Variants in TAFA2 observed in about 807,000 individuals in gnomAD.
TAFA2 encodes TAFA chemokine like family member 2.
In TAFA2, 7 loss-of-function variants were observed where a neutral mutation model predicts 18.8. That is an observed-to-expected ratio of 0.37 (90% CI 0.21 to 0.70). The LOEUF is 0.70. TAFA2 is among the 30% of genes least tolerant of loss of function. TAFA2 has a pLI of 0.53. For synonymous variants in TAFA2, 60 were observed against 54.2 expected (o/e 1.11, Z -0.47); for missense variants, 122 against 158.1 (o/e 0.77, Z 1.23).
At chr12:62,010,065 A>G (rs1301146865) in intron 1 of TAFA2, among the ~76,000 whole-genome samples, 1 of 152,172 alleles carries the variant, frequency 6.6e-6, no homozygotes, top group African/African-American at 2.4e-5. Flanking sequence ...TAGCTTTTAC[A>G]TTTTTGTACT....
intron 1 of TAFA2, among the ~76,000 whole-genome samples, chr12:62,063,509 G>A (rs2136791458): frequency 6.6e-6 from 1 of 152,160 alleles, no homozygotes; most frequent in South Asian, 2.1e-4. Flanking sequence ...ACTTTCTATT[G>A]CAATGGAATC....
intron 4 of TAFA2, among the ~76,000 whole-genome samples, chr12:61,746,548 C>A (rs964082020): frequency 1.3e-5 from 2 of 152,086 alleles, no homozygotes; most frequent in East Asian, 3.9e-4. Context: ...AAAGGTGAAA[C>A]ATATCCCTTA....
rs897552112 is a variant in TAFA2, at chr12:61,710,859, G to A, written c.385-442C>T. On this transcript the variant is annotated intron_variant, in intron 4 of 4. Coordinates refer to ENST00000416284, the MANE Select transcript of TAFA2 (RefSeq NM_178539.5). ...ATTCTCAAAAAGCCCTTGGGGATTG[G>A]TTCCATAAAGTTCATTTTTGAAATA... Among the ~76,000 whole-genome samples the A allele has an allele frequency of 3.9e-5, 6 of 152,144 alleles. 1 individual carries two copies. Among genetic ancestry groups the A allele is most frequent in the African/African-American group, 1.2e-4 (5 of 41,542 alleles).
chr12:61,736,073 G>T (rs1276937465), intron 4 of TAFA2, among the ~76,000 whole-genome samples: 7 of 151,924 alleles, frequency 4.6e-5, no homozygotes, highest in African/African-American at 1.7e-4. Flanking sequence ...AAATAAGAGA[G>T]ATTTACCAGG....
chr12:61,886,512 TGC>T (rs1875388167), intron 1 of TAFA2, among the ~76,000 whole-genome samples: 2 of 152,168 alleles, frequency 1.3e-5, no homozygotes, highest in African/African-American at 4.8e-5. Flanking sequence ...TGGGCTGTAT[TGC>T]TTTTGCCTTA....
intron 1 of TAFA2, among the ~76,000 whole-genome samples, chr12:62,199,906 C>T (rs1345552029): frequency 6.6e-6 from 1 of 152,134 alleles, no homozygotes; most frequent in African/African-American, 2.4e-5. Context: ...TCCACAACCT[C>T]AACAGCATCT....
At chr12:61,799,422 C>A (rs939126837) in intron 2 of TAFA2, among the ~76,000 whole-genome samples, 24 of 152,184 alleles carry the variant, frequency 1.6e-4, no homozygotes, top group African/African-American at 5.1e-4. Flanking sequence ...AAAGTTAGAG[C>A]CCTTCCAAAA....
At chr12:61,838,050 G>T (rs17125399) in intron 2 of TAFA2, among the ~76,000 whole-genome samples, 3,100 of 152,066 alleles carry the variant, frequency 0.02, 88 homozygotes, top group African/African-American at 0.069. Flanking sequence ...GATCCAAGGT[G>T]AGACATTTTA....
intron 1 of TAFA2, among the ~76,000 whole-genome samples, chr12:61,993,118 C>T (rs1048522618): frequency 9.8e-5 from 15 of 152,316 alleles, no homozygotes; most frequent in Admixed American, 2.6e-4. Context: ...AGCCTCTCTG[C>T]TCACTAAACA....
intron 1 of TAFA2, among the ~76,000 whole-genome samples, chr12:61,923,994 A>G (rs1877169914): frequency 6.6e-6 from 1 of 151,720 alleles, no homozygotes; most frequent in African/African-American, 2.4e-5. Flanking sequence ...TCAGAGATTG[A>G]AGATCAACAT....
intron 1 of TAFA2, among the ~76,000 whole-genome samples, chr12:62,161,671 A>G (rs1382136488): frequency 6.6e-6 from 1 of 152,204 alleles, no homozygotes; most frequent in Non-Finnish European, 1.5e-5. Flanking sequence ...TTGTAACAAA[A>G]TTGTACTTGT....
chr12:61,903,019 C>T (rs890712788), intron 1 of TAFA2, among the ~76,000 whole-genome samples: 2 of 152,130 alleles, frequency 1.3e-5, no homozygotes, highest in East Asian at 1.9e-4. Context: ...TCTTGCCCAA[C>T]GCTGACCTTC....
At chr12:61,958,568 T>C (rs1878777093) in intron 1 of TAFA2, among the ~76,000 whole-genome samples, 1 of 152,004 alleles carries the variant, frequency 6.6e-6, no homozygotes, top group African/African-American at 2.4e-5. Flanking sequence ...TTCCTACATA[T>C]ATATTTAAGT....
intron 2 of TAFA2, among the ~76,000 whole-genome samples, chr12:61,783,257 A>C (rs1870582229): frequency 6.6e-6 from 1 of 151,702 alleles, no homozygotes; most frequent in African/African-American, 2.4e-5. Context: ...GGAATATAAA[A>C]ATTAGTATTC....
At chr12:62,021,941 G>GGT (rs2136730955) in intron 1 of TAFA2, 1 of 719,796 alleles carries the variant, frequency 1.4e-6, no homozygotes, top group African/African-American at 1.7e-5. Context: ...AACACACCAT[G>GGT]GCAGGCCCTC....
At chr12:62,058,749 C>T (rs564272128) in intron 1 of TAFA2, among the ~76,000 whole-genome samples, 6 of 152,248 alleles carry the variant, frequency 3.9e-5, no homozygotes, top group African/African-American at 1.4e-4. Flanking sequence ...TCACTTGAGT[C>T]CAAGAGTTTG....
intron 1 of TAFA2, among the ~76,000 whole-genome samples, chr12:62,180,316 T>C (rs949730102): frequency 6.6e-6 from 1 of 152,202 alleles, no homozygotes; most frequent in Non-Finnish European, 1.5e-5. Flanking sequence ...TACACAAGTC[T>C]GAGTGTTTTG....
chr12:61,913,972 T>C (rs1876714432), intron 1 of TAFA2, among the ~76,000 whole-genome samples: 1 of 152,134 alleles, frequency 6.6e-6, no homozygotes. Flanking sequence ...TGGAAACGGT[T>C]TTGTGATAAA....
intron 1 of TAFA2, among the ~76,000 whole-genome samples, chr12:62,190,211 G>A (rs1279050336): frequency 1.3e-5 from 2 of 152,234 alleles, no homozygotes; most frequent in African/African-American, 4.8e-5. Context: ...ACTCAATAGG[G>A]AAGCCTCGCG....
Sources: gnomAD v4.1 joint callset for allele counts (sites outside exome capture counted in the v4.1 genomes callset) on GRCh38, gnomAD v4.1.1 for gene constraint, MANE v1.5 for transcripts, NCBI Gene and HGNC (gene_info 2026-07-23, HGNC 2026-07-21) for gene names.